The following XRN2 variants were observed in gnomAD, a reference collection of about 807,000 sequenced individuals.
XRN2 encodes DHM1-like protein.
A neutral mutation model predicts 138.5 loss-of-function variants in XRN2; 44 were observed. That is an observed-to-expected ratio of 0.32 (90% CI 0.25 to 0.41). XRN2 has a LOEUF of 0.41. XRN2 is among the 10% of genes least tolerant of loss of function. The pLI is 1.00. For synonymous variants in XRN2, 354 were observed against 369.4 expected (o/e 0.96, Z 0.48); for missense variants, 937 against 1,169.3 (o/e 0.80, Z 2.90).
At chr20:21,350,163 T>G (rs886070144) in intron 20 of XRN2, among the ~76,000 whole-genome samples, 2 of 152,208 alleles carry the variant, frequency 1.3e-5, no homozygotes, top group African/African-American at 4.8e-5. Flanking sequence ...CTATATAAAA[T>G]TTGTACTAAC....
intron 28 of XRN2, among the ~76,000 whole-genome samples, chr20:21,383,001 AAT>A (rs1443685800): frequency 6.6e-6 from 1 of 152,208 alleles, no homozygotes; most frequent in Non-Finnish European, 1.5e-5. Flanking sequence ...ATCTGAAATG[AAT>A]AGTGTTTTTA....
chr20:21,333,288 G>A (rs1275825162), intron 9 of XRN2, among the ~76,000 whole-genome samples: 1 of 152,144 alleles, frequency 6.6e-6, no homozygotes, highest in Non-Finnish European at 1.5e-5. Flanking sequence ...ATTAAACAGA[G>A]ATCATATATG....
chr20:21,348,878 C>T (rs1348637154), intron 19 of XRN2, among the ~76,000 whole-genome samples: 3 of 152,084 alleles, frequency 2.0e-5, no homozygotes, highest in Non-Finnish European at 2.9e-5. Context: ...CTCGTGACCT[C>T]GTGATCTGCC....
chr20:21,378,517 G>A (rs1003119503), intron 27 of XRN2, among the ~76,000 whole-genome samples: 3 of 152,118 alleles, frequency 2.0e-5, no homozygotes, highest in African/African-American at 4.8e-5. Context: ...TCCTCATCTC[G>A]AAAATAGTAC....
intron 1 of XRN2, among the ~76,000 whole-genome samples, chr20:21,304,348 CTT>C (rs111498218): frequency 1.4e-3 from 190 of 136,904 alleles, no homozygotes; most frequent in African/African-American, 2.7e-3. Flanking sequence ...CTTATTTCTG[CTT>C]TTTTTTTTTT....
intron 26 of XRN2, among the ~76,000 whole-genome samples, chr20:21,366,855 T>A (rs1035126800): frequency 6.6e-6 from 1 of 152,236 alleles, no homozygotes; most frequent in Non-Finnish European, 1.5e-5. Flanking sequence ...CACTTCTCCA[T>A]TTATGTATTG....
At chr20:21,323,606 A>T (rs1289609263) in intron 1 of XRN2, among the ~76,000 whole-genome samples, 1 of 152,200 alleles carries the variant, frequency 6.6e-6, no homozygotes, top group African/African-American at 2.4e-5. Flanking sequence ...GGACATGTCT[A>T]CAGTACTCTT....
intron 26 of XRN2, 120 bp downstream of exon 26, chr20:21,365,824 TTATA>T (rs1287371078): frequency 7.5e-5 from 8 of 107,088 alleles, no homozygotes; most frequent in Admixed American, 5.5e-4. Context: ...TGATTATATA[TTATA>T]TATATTATAT....
At chr20:21,367,122 C>T (rs960092617) in intron 26 of XRN2, among the ~76,000 whole-genome samples, 1 of 152,110 alleles carries the variant, frequency 6.6e-6, no homozygotes, top group Non-Finnish European at 1.5e-5. Context: ...TCCCTGCCTA[C>T]TGAAATTATC....
intron 27 of XRN2, among the ~76,000 whole-genome samples, chr20:21,376,228 G>A (rs117025943): frequency 3.3e-5 from 5 of 152,168 alleles, no homozygotes; most frequent in Non-Finnish European, 7.4e-5. Context: ...GGTGGTATGT[G>A]CCTGTAGTCT....
rs2038746103 is a variant in XRN2 at position 21,370,211 on chromosome 20, C to T, written c.2584+1621C>T. Reference sequence around the variant, plus strand: ...GGGTTCTCTGTTGTATTCCATTGGTCTGTTATCTGTTTTGATGCCGGTACC... The same window carrying T: ...GGGTTCTCTGTTGTATTCCATTGGTTTGTTATCTGTTTTGATGCCGGTACC... On this transcript the variant is annotated intron_variant, in intron 27 of 29. Coordinates refer to ENST00000377191, the MANE Select transcript of XRN2 (RefSeq NM_012255.5). Among the ~76,000 whole-genome samples, 3 of 152,158 alleles carry T rather than the reference C, an allele frequency of 2.0e-5. No individual in the cohort carries two copies. In the South Asian group the frequency reaches 6.2e-4, roughly 32 times the overall value.
rs749377203 is a variant in XRN2 at position 21,330,446 on chromosome 20, T to A, written c.428-35T>A. 13 of 1,606,502 alleles carry A rather than the reference T, an allele frequency of 8.1e-6. No homozygotes were observed. In the African/African-American group the frequency reaches 1.3e-4, roughly 17 times the overall value. On this transcript the variant is annotated intron_variant, in intron 4 of 29. Coordinates refer to ENST00000377191, the MANE Select transcript of XRN2 (RefSeq NM_012255.5). ...ATGTTGAGTAATTTATCTCACTTTT[T>A]ATGGGGAGAACAAAACGTTGCCTCT...
chr20:21,322,940 G>A (rs1327732648), intron 1 of XRN2, among the ~76,000 whole-genome samples: 1 of 152,184 alleles, frequency 6.6e-6, no homozygotes, highest in African/African-American at 2.4e-5. Flanking sequence ...CTCAGCCAGG[G>A]CACTGCACTG....
At chr20:21,309,565 A>G (rs1007458899) in intron 1 of XRN2, among the ~76,000 whole-genome samples, 1 of 152,002 alleles carries the variant, frequency 6.6e-6, no homozygotes, top group African/African-American at 2.4e-5. Flanking sequence ...TTTTCAGCTC[A>G]TCAGCTGTCG....
chr20:21,320,279 G>T (rs201586049), intron 1 of XRN2, among the ~76,000 whole-genome samples: 24 of 88,698 alleles, frequency 2.7e-4, no homozygotes, highest in East Asian at 4.7e-4. Flanking sequence ...ATTTATTTAT[G>T]TATTTATTTA....
At chr20:21,353,554 G>C (rs2038539012) in intron 20 of XRN2, among the ~76,000 whole-genome samples, 2 of 151,718 alleles carry the variant, frequency 1.3e-5, no homozygotes, top group South Asian at 4.2e-4. Flanking sequence ...ACTTTGGGAG[G>C]CCAAGTTGGA....
intron 20 of XRN2, among the ~76,000 whole-genome samples, chr20:21,354,180 G>A (rs2038547979): frequency 6.6e-6 from 1 of 152,148 alleles, no homozygotes; most frequent in South Asian, 2.1e-4. Flanking sequence ...ATCATTTTAA[G>A]TCTCAAATGA....
At position 21,303,342 on chromosome 20, in the gene XRN2, C is replaced by T. The variant is rs559843409; in HGVS notation, c.-57C>T. Reference sequence around the variant, plus strand: ...TGCTGGTGCCCTCTGCCGCTGCTCCCGTCTCTTTGGTTACGCTCGTCAGCC... The same window carrying T: ...TGCTGGTGCCCTCTGCCGCTGCTCCTGTCTCTTTGGTTACGCTCGTCAGCC... On this transcript the variant is annotated 5_prime_UTR_variant, in exon 1 of 30. Transcript: ENST00000377191. 76 of 1,533,540 alleles carry T rather than the reference C, an allele frequency of 5.0e-5. No individual in the cohort carries two copies. The Middle Eastern group carries it at 7.9e-4, about 16-fold the overall frequency. The allele number at this position is 1,533,540 out of a possible 1,614,324, so 95.0% of individuals were successfully genotyped here. A position where few individuals can be genotyped will look rare whatever the true frequency, so the allele number is the denominator to read the frequency against.
chr20:21,373,726 A>G (rs1293691452), intron 27 of XRN2, among the ~76,000 whole-genome samples: 1 of 152,184 alleles, frequency 6.6e-6, no homozygotes, highest in African/African-American at 2.4e-5. Flanking sequence ...CTTCCTGGTG[A>G]CTAAGTGGAG....
Sources: gnomAD v4.1 joint callset for allele counts (sites outside exome capture counted in the v4.1 genomes callset) on GRCh38, gnomAD v4.1.1 for gene constraint, MANE v1.5 for transcripts, NCBI Gene and HGNC (gene_info 2026-07-23, HGNC 2026-07-21) for gene names.